Variants in MRTFB observed in about 807,000 individuals in gnomAD.
MRTFB encodes the protein myocardin related transcription factor B.
Under a neutral mutation model 104.2 loss-of-function variants are expected in MRTFB, and 29 were observed. The ratio of observed to expected loss-of-function variants is 0.28; its 90% CI spans 0.21 to 0.38. The LOEUF (loss-of-function observed/expected upper bound fraction) is 0.38. Ranked by LOEUF, MRTFB falls within the 10% of genes least tolerant of loss-of-function variation. The probability of loss-of-function intolerance (pLI) is 1.00; values close to 1 mark genes in which losing one functional copy is unlikely to be tolerated. For synonymous variants in MRTFB, 535 were observed against 519.5 expected (o/e 1.03, Z -0.41); for missense variants, 1,270 against 1,341.6 (o/e 0.95, Z 0.83).
the MRTFB span, among the ~76,000 whole-genome samples, chr16:14,045,287 C>G: frequency 6.6e-6 from 1 of 152,170 alleles, no homozygotes; most frequent in Non-Finnish European, 1.5e-5. Context: ...GATGCAAAAG[C>G]TGTTCTGCTT....
chr16:14,035,613 G>A, the MRTFB span, among the ~76,000 whole-genome samples: 2 of 152,244 alleles, frequency 1.3e-5, no homozygotes, highest in South Asian at 4.1e-4. Context: ...TATGAGGTAT[G>A]TGTAATGTCA....
At chr16:14,203,864 A>G (rs1051059094) in intron 3 of MRTFB, among the ~76,000 whole-genome samples, 4 of 152,070 alleles carry the variant, frequency 2.6e-5, no homozygotes, top group African/African-American at 9.7e-5. Context: ...AAAAGAGGAA[A>G]GACATATCTT....
At chr16:14,131,740 TGA>T (rs2037449809) in intron 2 of MRTFB, among the ~76,000 whole-genome samples, 1 of 151,030 alleles carries the variant, frequency 6.6e-6, no homozygotes, top group South Asian at 2.1e-4. Flanking sequence ...AAAACCACAA[TGA>T]GTTACCACTT....
At chr16:14,139,894 C>A (rs1350899844) in intron 2 of MRTFB, among the ~76,000 whole-genome samples, 2 of 152,182 alleles carry the variant, frequency 1.3e-5, no homozygotes, top group African/African-American at 4.8e-5. Flanking sequence ...ACTTTGTAGT[C>A]CTTAAGCCAG....
chr16:14,184,622 C>T (rs1420172704), intron 3 of MRTFB, among the ~76,000 whole-genome samples: 1 of 151,972 alleles, frequency 6.6e-6, no homozygotes, highest in African/African-American at 2.4e-5. Flanking sequence ...AAGTTGGCTG[C>T]TATTATTATT....
chr16:14,038,992 G>A, the MRTFB span, among the ~76,000 whole-genome samples: 11 of 152,282 alleles, frequency 7.2e-5, no homozygotes, highest in East Asian at 7.7e-4. Flanking sequence ...TTGCTACCAC[G>A]AGAACAGTAT....
intron 3 of MRTFB, among the ~76,000 whole-genome samples, chr16:14,178,090 A>T (rs1163632994): frequency 6.6e-6 from 1 of 152,158 alleles, no homozygotes; most frequent in African/African-American, 2.4e-5. Context: ...TGCACAAAGG[A>T]TCCTAGTGGA....
intron 13 of MRTFB, among the ~76,000 whole-genome samples, chr16:14,250,189 G>A (rs2151424255): frequency 6.6e-6 from 1 of 152,238 alleles, no homozygotes; most frequent in South Asian, 2.1e-4. Context: ...CAAATTTAAG[G>A]AAAATTAATT....
intron 1 of MRTFB, among the ~76,000 whole-genome samples, chr16:14,072,061 G>C (rs2033736027): frequency 6.6e-6 from 1 of 152,182 alleles, no homozygotes; most frequent in African/African-American, 2.4e-5. Flanking sequence ...TGGGGTGTCA[G>C]GCCCAATGAA....
chr16:14,017,759 C>T, the MRTFB span, among the ~76,000 whole-genome samples: 124 of 127,484 alleles, frequency 9.7e-4, no homozygotes, highest in Non-Finnish European at 1.7e-3. Context: ...CTCTTTCTCC[C>T]GGGCTAGAGT....
At chr16:14,013,926 G>A in the MRTFB span, among the ~76,000 whole-genome samples, 2 of 152,078 alleles carry the variant, frequency 1.3e-5, no homozygotes, top group African/African-American at 2.4e-5. Flanking sequence ...GTCCACCCTC[G>A]CACCTCCCAC....
chr16:14,220,870 G>T (rs1324213802), intron 8 of MRTFB, among the ~76,000 whole-genome samples: 1 of 152,180 alleles, frequency 6.6e-6, no homozygotes, highest in East Asian at 1.9e-4. Flanking sequence ...TGGAGTCAGG[G>T]TTGGCTCCAC....
At chr16:14,058,012 A>C in the MRTFB span, among the ~76,000 whole-genome samples, 1 of 152,214 alleles carries the variant, frequency 6.6e-6, no homozygotes, top group Non-Finnish European at 1.5e-5. Flanking sequence ...AAATAAACCC[A>C]GAATACCCCG....
chr16:14,215,676 T>G lies in MRTFB; in HGVS notation c.353-1450T>G, dbSNP rs74341033. On this transcript the variant is annotated intron_variant, in intron 6 of 16. Coordinates refer to ENST00000571589, the MANE Select transcript of MRTFB (RefSeq NM_001308142.2). ...TTCTGATTCTCCCCAAGTATCATCT[T>G]GTATGGTTAGAAGTGTTATCTCAGA... 7.7e-3 allele frequency among the ~76,000 whole-genome samples: 1,166 copies of G among 152,340 alleles called. 13 individuals are homozygous for G. The highest frequency in any genetic ancestry group is 0.026 in the African/African-American group (1,066 of 41,568).
Position 14,252,514 on chromosome 16 carries a change from C to T in MRTFB, c.2703+12C>T, listed in dbSNP as rs1234054837. 1 of 1,613,848 alleles carries T rather than the reference C, an allele frequency of 6.2e-7. No individual in the cohort carries two copies. The highest frequency in any genetic ancestry group is 1.7e-5 in the Admixed American group (1 of 59,994). The stretch of plus-strand genomic sequence containing the variant: ...CCCCTCTGCCAGAGGTAAGTGAGGG[C>T]ACGGTCATGGTGCATAAGGCTATGG... On this transcript the variant is annotated intron_variant, in intron 15 of 16. Coordinates refer to ENST00000571589, the MANE Select transcript of MRTFB (RefSeq NM_001308142.2).
intron 1 of MRTFB, among the ~76,000 whole-genome samples, chr16:14,075,312 T>C (rs1293396188): frequency 6.6e-6 from 1 of 152,224 alleles, no homozygotes; most frequent in African/African-American, 2.4e-5. Flanking sequence ...GGACTTGTGC[T>C]TTGCGTCTTA....
At chr16:14,123,049 G>T (rs535867691) in intron 2 of MRTFB, among the ~76,000 whole-genome samples, 2 of 152,160 alleles carry the variant, frequency 1.3e-5, no homozygotes, top group South Asian at 4.1e-4. Flanking sequence ...CAGTGATGAC[G>T]AGCATTTTTT....
At chr16:13,998,920 TGG>T in the MRTFB span, among the ~76,000 whole-genome samples, 139 of 103,940 alleles carry the variant, frequency 1.3e-3, 1 homozygote, top group African/African-American at 4.6e-3. Context: ...AGGCCGGTCA[TGG>T]GGGCTCACAC....
intron 10 of MRTFB, 84 bp from the exon 11 acceptor site, chr16:14,245,444 T>C (rs2042969962): frequency 8.2e-7 from 1 of 1,216,358 alleles, no homozygotes; most frequent in Non-Finnish European, 1.1e-6. Flanking sequence ...TTTCTCTTCA[T>C]AAGTTAGTCA....
Sources: gnomAD v4.1 joint callset for allele counts (sites outside exome capture counted in the v4.1 genomes callset) on GRCh38, gnomAD v4.1.1 for gene constraint, MANE v1.5 for transcripts, NCBI Gene and HGNC (gene_info 2026-07-23, HGNC 2026-07-21) for gene names.